CTNNA3: variants seen among roughly 807,000 people sequenced by gnomAD.
CTNNA3 encodes catenin alpha 3.
In CTNNA3, 76 loss-of-function variants were observed where a neutral mutation model predicts 95.7. The observed-to-expected ratio is 0.79, with a 90% CI of 0.66 to 0.96. The LOEUF is 0.96. CTNNA3 is among the 40% of genes least tolerant of loss of function. CTNNA3 has a pLI of 0.00. For missense variants in CTNNA3, 1,191 were observed against 1,089.8 expected, an observed-to-expected ratio of 1.09 and a Z score of -1.31; for synonymous variants, 431 against 374.4, an observed-to-expected ratio of 1.15 and a Z score of -1.74.
chr10:66,162,490 C>G (rs2084905407), intron 13 of CTNNA3, among the ~76,000 whole-genome samples: 1 of 152,056 alleles, frequency 6.6e-6, no homozygotes. Flanking sequence ...TGGGTCTAGC[C>G]ACCCAGCGAG....
intron 13 of CTNNA3, among the ~76,000 whole-genome samples, chr10:66,188,174 G>A (rs985641993): frequency 6.6e-6 from 1 of 152,050 alleles, no homozygotes; most frequent in Non-Finnish European, 1.5e-5. Flanking sequence ...GATCAATTGA[G>A]GTTATTTAAC....
At chr10:66,641,647 C>T (rs1048611885) in intron 9 of CTNNA3, among the ~76,000 whole-genome samples, 1 of 152,056 alleles carries the variant, frequency 6.6e-6, no homozygotes, top group Non-Finnish European at 1.5e-5. Flanking sequence ...GCTTACTGCT[C>T]TTTTTCATTG....
At chr10:67,347,190 T>C (rs944900888) in intron 5 of CTNNA3, among the ~76,000 whole-genome samples, 2 of 151,784 alleles carry the variant, frequency 1.3e-5, no homozygotes, top group African/African-American at 4.8e-5. Context: ...GCTGGGACTA[T>C]GGGCATGAGC....
intron 9 of CTNNA3, among the ~76,000 whole-genome samples, chr10:66,684,338 G>A (rs1015271367): frequency 1.2e-4 from 18 of 152,094 alleles, no homozygotes; most frequent in Non-Finnish European, 1.8e-4. Flanking sequence ...GAGAATACAC[G>A]TGCTAAACTA....
intron 7 of CTNNA3, among the ~76,000 whole-genome samples, chr10:67,000,620 G>A (rs1234063454): frequency 7.3e-6 from 1 of 136,876 alleles, no homozygotes; most frequent in Non-Finnish European, 1.7e-5. Flanking sequence ...CCAGGAAACA[G>A]GAGTCAGATC....
In CTNNA3 at chr10:66,379,346, T is replaced by C. The variant is rs2132489175; in HGVS notation, c.1538A>G (p.His513Arg). 3.1e-6 allele frequency: 5 copies of C among 1,613,672 alleles called. No homozygotes were observed. Among genetic ancestry groups the C allele is most frequent in the East Asian group, 2.2e-5 (1 of 44,862 alleles). The change falls in exon 12 of 18, where the codon CAT (histidine) becomes CGT (arginine). Residue 513 changes from histidine (H) to arginine (R), a missense_variant. Coordinates refer to ENST00000433211, the MANE Select transcript of CTNNA3 (RefSeq NM_013266.4). ...ACACTTGTTGACATCTTCCAAGATATGGCTTTCTGTAAGTAAATGAATCAA... is the reference window on the plus strand; with the variant it reads ...ACACTTGTTGACATCTTCCAAGATACGGCTTTCTGTAAGTAAATGAATCAA... The part of the protein sequence containing the change: ...IDDFLAVSES[H>R]ILEDVNKCII...
Position 66,762,407 on chromosome 10 carries a change from A to G in CTNNA3, c.1281+3857T>C, listed in dbSNP as rs1043022173. Among the ~76,000 whole-genome samples the G allele has an allele frequency of 2.6e-5, 4 of 152,090 alleles. No individual in the cohort carries two copies. In the East Asian group the frequency reaches 5.9e-4, roughly 22 times the overall value. On this transcript the variant is annotated intron_variant, in intron 9 of 17. Coordinates refer to ENST00000433211, the MANE Select transcript of CTNNA3 (RefSeq NM_013266.4). ...GATGCTCAAAGTAGGAAAAGTTTGCATAATAGGTACTCAGCTCAGCATAAC... is the reference window on the plus strand; with the variant it reads ...GATGCTCAAAGTAGGAAAAGTTTGCGTAATAGGTACTCAGCTCAGCATAAC...
intron 7 of CTNNA3, among the ~76,000 whole-genome samples, chr10:67,108,282 CTACTT>C (rs1318801655): frequency 6.6e-6 from 1 of 152,068 alleles, no homozygotes; most frequent in Non-Finnish European, 1.5e-5. Flanking sequence ...ACATAAGAAG[CTACTT>C]TAGTTTTTTT....
intron 15 of CTNNA3, among the ~76,000 whole-genome samples, chr10:66,069,048 C>G (rs1015232959): frequency 2.0e-4 from 31 of 152,146 alleles, no homozygotes; most frequent in South Asian, 8.3e-4. Context: ...ATACACAGAG[C>G]AGATGCCTGG....
chr10:67,741,173 G>T (rs1032788803), intron 1 of CTNNA3, among the ~76,000 whole-genome samples: 6 of 150,964 alleles, frequency 4.0e-5, no homozygotes, highest in South Asian at 2.1e-4. Context: ...ATGGGGAGAG[G>T]GGGGAGAGAT....
At chr10:66,578,784 C>CTTTTTTTTTTTTTTTTTTT (rs71035156) in intron 10 of CTNNA3, among the ~76,000 whole-genome samples, 1 of 143,238 alleles carries the variant, frequency 7.0e-6, no homozygotes, top group Non-Finnish European at 1.5e-5. Flanking sequence ...ATTTTTCTTT[C>CTTTTTTTTTTTTTTTTTTT]TTTTTTTTTT....
chr10:66,766,139 G>A (rs1335218668), intron 9 of CTNNA3, 125 bp downstream of exon 9: 17 of 871,140 alleles, frequency 2.0e-5, no homozygotes, highest in Non-Finnish European at 2.9e-5. Context: ...TATTACTTTG[G>A]CCAGACTCTG....
intron 5 of CTNNA3, among the ~76,000 whole-genome samples, chr10:67,470,452 G>A (rs1441724857): frequency 6.6e-6 from 1 of 152,104 alleles, no homozygotes; most frequent in Non-Finnish European, 1.5e-5. Context: ...TCCTACAAAA[G>A]TTCTTTTTAA....
chr10:67,652,402 G>A (rs1439565571), intron 1 of CTNNA3, among the ~76,000 whole-genome samples: 1 of 152,180 alleles, frequency 6.6e-6, no homozygotes, highest in East Asian at 1.9e-4. Context: ...TCATTTTAGG[G>A]TTCAGGGATA....
intron 5 of CTNNA3, among the ~76,000 whole-genome samples, chr10:67,262,703 T>C (rs1488550191): frequency 6.6e-6 from 1 of 152,072 alleles, no homozygotes; most frequent in Admixed American, 6.5e-5. Flanking sequence ...GAAAAATCCC[T>C]GCTAGAGACA....
intron 7 of CTNNA3, among the ~76,000 whole-genome samples, chr10:66,801,397 T>C (rs545832061): frequency 1.3e-5 from 2 of 151,468 alleles, no homozygotes. Context: ...TTCAAAATAT[T>C]ATAACTAGTA....
intron 11 of CTNNA3, among the ~76,000 whole-genome samples, chr10:66,387,515 A>C (rs1432444290): frequency 1.3e-5 from 2 of 152,186 alleles, no homozygotes; most frequent in African/African-American, 4.8e-5. Context: ...AATTGGTTCA[A>C]CCATTGTGGA....
At chr10:67,647,053 C>T (rs1266832476) in intron 2 of CTNNA3, among the ~76,000 whole-genome samples, 4 of 151,102 alleles carry the variant, frequency 2.6e-5, no homozygotes, top group Admixed American at 2.0e-4. Context: ...GTTTCCTCAT[C>T]TATGTAATAA....
chr10:66,516,800 T>C (rs1293688774), intron 11 of CTNNA3, among the ~76,000 whole-genome samples: 1 of 152,204 alleles, frequency 6.6e-6, no homozygotes, highest in African/African-American at 2.4e-5. Flanking sequence ...CTTTCTTCTC[T>C]AAAGTTAAAG....
Sources: gnomAD v4.1 joint callset for allele counts (sites outside exome capture counted in the v4.1 genomes callset) on GRCh38, gnomAD v4.1.1 for gene constraint, MANE v1.5 for transcripts, NCBI Gene and HGNC (gene_info 2026-07-23, HGNC 2026-07-21) for gene names.